SPTBN4: variants seen among roughly 807,000 people sequenced by gnomAD.
SPTBN4 encodes the protein spectrin beta chain, non-erythrocytic 4.
A neutral mutation model predicts 277.8 loss-of-function variants in SPTBN4; 96 were observed. That is an observed-to-expected ratio of 0.35 (90% CI 0.29 to 0.41). SPTBN4 has a LOEUF of 0.41. Ranked by LOEUF, SPTBN4 falls within the 10% of genes least tolerant of loss-of-function variation. The pLI is 1.00. For missense variants in SPTBN4, 3,006 were observed against 3,595.7 expected (o/e 0.84, Z 4.19); for synonymous variants, 1,481 against 1,580.3 (o/e 0.94, Z 1.49).
In SPTBN4 at chr19:40,531,458, G is replaced by GTGTT. The variant is rs1313867206; in HGVS notation, c.3949-1161_3949-1158dup. 1.8e-3 allele frequency among the ~76,000 whole-genome samples: 214 copies of GTGTT among 119,436 alleles called. 1 individual carries two copies. Among genetic ancestry groups the GTGTT allele is most frequent in the African/African-American group, 5.8e-3 (179 of 30,768 alleles). The allele number at this position is 119,436 out of a possible 152,430, so 78.4% of individuals were successfully genotyped here. The stretch of plus-strand genomic sequence containing the variant: ...CCCGGGACCGCGGAGCTGGAGTCCA[G>GTGTT]TGTTTGTTTTTTTTTTTTTTTTTTT... On this transcript the variant is annotated intron_variant, in intron 18 of 35. Transcript: ENST00000598249.
chr19:40,498,884 T>C (rs1172478234), intron 7 of SPTBN4, among the ~76,000 whole-genome samples: 2 of 151,190 alleles, frequency 1.3e-5, no homozygotes, highest in African/African-American at 4.9e-5. Context: ...GTATTTTTAG[T>C]AGAGGTGGGG....
intron 18 of SPTBN4, among the ~76,000 whole-genome samples, chr19:40,529,936 C>A (rs1281886971): frequency 6.6e-6 from 1 of 152,082 alleles, no homozygotes; most frequent in Non-Finnish European, 1.5e-5. Flanking sequence ...ATTCGACCCT[C>A]CCCCCTATGT....
intron 17 of SPTBN4, among the ~76,000 whole-genome samples, chr19:40,526,825 C>T (rs924194673): frequency 4.6e-5 from 7 of 151,388 alleles, no homozygotes; most frequent in African/African-American, 1.5e-4. Flanking sequence ...TGGGCTCAAG[C>T]AATCCTCCTA....
rs146282555 is a variant in SPTBN4, at chr19:40,469,953, T to C, written c.-16+2648T>C. ...GCCACTGTGCCCGGCCAATTTCTTC[T>C]TTTTTTAAATAATTTTTTGTTTTCT... On this transcript the variant is annotated intron_variant, in intron 1 of 35. Coordinates refer to ENST00000598249, the MANE Select transcript of SPTBN4 (RefSeq NM_020971.3). 2.6e-4 allele frequency among the ~76,000 whole-genome samples: 40 copies of C among 151,832 alleles called. 1 individual carries two copies. Among genetic ancestry groups the C allele is most frequent in the African/African-American group, 8.9e-4 (37 of 41,430 alleles).
chr19:40,475,057 G>C (rs1309636581), intron 2 of SPTBN4, among the ~76,000 whole-genome samples: 1 of 152,024 alleles, frequency 6.6e-6, no homozygotes, highest in Non-Finnish European at 1.5e-5. Context: ...TGATGTATCA[G>C]AACAATATTA....
chr19:40,573,535 T>C (rs1308493388), intron 35 of SPTBN4, among the ~76,000 whole-genome samples: 1 of 152,042 alleles, frequency 6.6e-6, no homozygotes, highest in East Asian at 1.9e-4. Context: ...CAGTGATGTG[T>C]AAAAAAGATT....
intron 2 of SPTBN4, among the ~76,000 whole-genome samples, chr19:40,477,446 C>G (rs1015530846): frequency 3.3e-5 from 5 of 152,126 alleles, no homozygotes. Context: ...GGGTCCTGCC[C>G]CCACAGGACT....
At position 40,521,028 on chromosome 19, in the gene SPTBN4, G is replaced by A. The variant is rs761140081; in HGVS notation, c.3654+877G>A. 3.9e-4 allele frequency among the ~76,000 whole-genome samples: 60 copies of A among 151,996 alleles called. 1 individual carries two copies. The highest frequency in any genetic ancestry group is 1.9e-4 in the East Asian group (1 of 5,188). ...AAACCTCAGCCTCCCGGGTTCAAAC[G>A]ATTCTCCTGCCTCAGCCTCCCAAGT... On this transcript the variant is annotated intron_variant, in intron 16 of 35. Coordinates refer to ENST00000598249, the MANE Select transcript of SPTBN4 (RefSeq NM_020971.3).
intron 33 of SPTBN4, chr19:40,571,049 T>C: frequency 3.0e-6 from 1 of 331,226 alleles, no homozygotes; most frequent in Non-Finnish European, 5.7e-6. Flanking sequence ...ATCTAATGGA[T>C]GATGGGTAGA....
chr19:40,493,397 C>A (rs1401804322), intron 5 of SPTBN4, among the ~76,000 whole-genome samples: 1 of 152,154 alleles, frequency 6.6e-6, no homozygotes, highest in Non-Finnish European at 1.5e-5. Flanking sequence ...TACTGCACCC[C>A]ACCCAGTTTC....
chr19:40,543,522 C>T (rs1206812720), intron 20 of SPTBN4, among the ~76,000 whole-genome samples: 4 of 152,104 alleles, frequency 2.6e-5, no homozygotes, highest in African/African-American at 9.7e-5. Flanking sequence ...ACCAACAACT[C>T]TGCACTACAG....
Position 40,575,660 on chromosome 19 carries a change from C to T in SPTBN4, c.*91C>T, listed in dbSNP as rs1169488277. 3 of 1,448,386 alleles carry T rather than the reference C, an allele frequency of 2.1e-6. No homozygotes were observed. The Admixed American group carries it at 7.1e-5, about 34-fold the overall frequency. The allele number at this position is 1,448,386 out of a possible 1,614,324, so 89.7% of individuals were successfully genotyped here. Reference sequence around the variant, plus strand: ...CTTTTTCTTCCGCAGGGGCGGGAGCCCCTAGTTCCAACACTGAGGACGCGT... The same window carrying T: ...CTTTTTCTTCCGCAGGGGCGGGAGCTCCTAGTTCCAACACTGAGGACGCGT... On this transcript the variant is annotated 3_prime_UTR_variant, in exon 36 of 36. Transcript: ENST00000598249.
At position 40,487,743 on chromosome 19, in the gene SPTBN4, C is replaced by A. The variant is rs773265773; in HGVS notation, c.216C>A (p.Asn72Lys). 19 of 1,613,606 alleles carry A rather than the reference C, an allele frequency of 1.2e-5. No homozygotes were observed. Among genetic ancestry groups the A allele is most frequent in the Non-Finnish European group, 1.4e-5 (17 of 1,179,890 alleles). The change falls in exon 3 of 36, where the codon AAC (asparagine) becomes AAA (lysine). Residue 72 changes from asparagine to lysine, a missense_variant. Transcript: ENST00000598249. ...VQKKTFTKWV[N>K]SHLARVGCHI... is the part of the protein sequence containing the mutation. ...AGAAAACCTTCACCAAGTGGGTGAA[C>A]TCGCACCTCGCCCGCGTGGGCTGCC...
At chr19:40,565,360 C>T (rs570645935) in intron 27 of SPTBN4, 63 bp from the exon 28 acceptor site, 1 of 1,555,362 alleles carries the variant, frequency 6.4e-7, no homozygotes, top group Non-Finnish European at 8.7e-7. Context: ...CCAGGAGCCA[C>T]ATGTATGGGG....
At chr19:40,550,504 A>ATT (rs35964729) in intron 22 of SPTBN4, among the ~76,000 whole-genome samples, 177 bp downstream of exon 22, 2 of 141,310 alleles carry the variant, frequency 1.4e-5, no homozygotes, top group Non-Finnish European at 3.1e-5. Context: ...TCTTGGCTCT[A>ATT]TTTTTTTTTT....
In SPTBN4 at chr19:40,554,146, G is replaced by T; in HGVS notation, c.4675-1G>T. On this transcript the variant is annotated splice_acceptor_variant, in intron 22 of 35. Transcript: ENST00000598249. LOFTEE classifies it high-confidence loss of function. This position sits in a 1 kb window ranked among gnomAD's most constrained non-coding sequence, Gnocchi z 5.7. Reference sequence around the variant, plus strand: ...CACATCCCCTTACCTCCTGCCCCCAGGGCCTGCGGCGGGAGATCCAGGCGC... The same window carrying T: ...CACATCCCCTTACCTCCTGCCCCCATGGCCTGCGGCGGGAGATCCAGGCGC... The T allele has an allele frequency of 6.9e-7, 1 of 1,443,728 alleles. No individual in the cohort carries two copies. Among genetic ancestry groups the T allele is most frequent in the Non-Finnish European group, 9.0e-7 (1 of 1,114,872 alleles). 89.4% of individuals were successfully genotyped at this position (1,443,728 alleles called of 1,614,324 possible). A position where few individuals can be genotyped will look rare whatever the true frequency, so the allele number is the denominator to read the frequency against.
intron 4 of SPTBN4, 131 bp from the exon 5 acceptor site, chr19:40,492,832 C>G: frequency 1.5e-6 from 1 of 687,942 alleles, no homozygotes; most frequent in Non-Finnish European, 2.6e-6. Context: ...TGGACCCCCA[C>G]CCCCAGCCAG....
chr19:40,501,252 A>G (rs1226521339), intron 7 of SPTBN4, among the ~76,000 whole-genome samples: 5 of 152,014 alleles, frequency 3.3e-5, no homozygotes, highest in African/African-American at 1.2e-4. Flanking sequence ...AAAAAAAAAA[A>G]AGTAAAAAGT....
intron 30 of SPTBN4, among the ~76,000 whole-genome samples, chr19:40,566,586 G>A (rs2145952509): frequency 6.6e-6 from 1 of 152,174 alleles, no homozygotes; most frequent in South Asian, 2.1e-4. Flanking sequence ...GAGGGATAGT[G>A]CCTGGGATGG....
Sources: allele counts gnomAD v4.1 joint callset (sites outside exome capture counted in the v4.1 genomes callset), GRCh38; gene constraint gnomAD v4.1.1; non-coding constraint Gnocchi (gnomAD v3.1); transcripts MANE v1.5; gene names NCBI Gene and HGNC (gene_info 2026-07-23, HGNC 2026-07-21).